The following SHC2 variants were observed in gnomAD, a reference collection of about 807,000 sequenced individuals.
SHC2 encodes SHC adaptor protein 2, also known as SHC-transforming protein 2.
In SHC2, 62 loss-of-function variants were observed where a neutral mutation model predicts 60.6. The ratio of observed to expected loss-of-function variants is 1.02; its 90% CI spans 0.83 to 1.26. The LOEUF is 1.26. SHC2 is among the 50% of genes most tolerant of loss of function. The pLI, the probability that SHC2 is intolerant of heterozygous loss-of-function variation, is 0.00. For synonymous variants in SHC2, 375 were observed against 372.4 expected, an observed-to-expected ratio of 1.01 and a Z score of -0.08; for missense variants, 873 against 822.2, an observed-to-expected ratio of 1.06 and a Z score of -0.76.
rs201361651 is a variant in SHC2, at chr19:440,814, C to T, written c.539+48G>A. 4.7e-5 allele frequency: 72 copies of T among 1,522,708 alleles called. No individual in the cohort carries two copies. Among genetic ancestry groups the T allele is most frequent in the Non-Finnish European group, 6.1e-5 (67 of 1,098,498 alleles). 94.3% of individuals were successfully genotyped at this position (1,522,708 alleles called of 1,614,324 possible). Reference sequence around the variant, plus strand: ...GCCGCCCTCCAGTGCTGCCGCCCTCCAGTGCGTCACTCAGCCCTACGCGGC... The same window carrying T: ...GCCGCCCTCCAGTGCTGCCGCCCTCTAGTGCGTCACTCAGCCCTACGCGGC... On this transcript the variant is annotated intron_variant, in intron 2 of 12. Coordinates refer to ENST00000264554, the MANE Select transcript of SHC2 (RefSeq NM_012435.3). This position sits in a 1 kb window ranked among gnomAD's most constrained non-coding sequence, Gnocchi z 7.0.
chr19:440,816 G>A lies in SHC2; in HGVS notation c.539+46C>T. 1 of 1,540,448 alleles carries A rather than the reference G, an allele frequency of 6.5e-7. No homozygotes were observed. The highest frequency in any genetic ancestry group is 9.0e-7 in the Non-Finnish European group (1 of 1,115,382). ...CGCCCTCCAGTGCTGCCGCCCTCCA[G>A]TGCGTCACTCAGCCCTACGCGGCCA... On this transcript the variant is annotated intron_variant, in intron 2 of 12. Coordinates refer to ENST00000264554, the MANE Select transcript of SHC2 (RefSeq NM_012435.3). The surrounding 1 kb of genome is among the most constrained non-coding windows in gnomAD (Gnocchi z 7.0).
chr19:428,728 T>G (rs1269974210), intron 9 of SHC2, among the ~76,000 whole-genome samples: 1 of 152,186 alleles, frequency 6.6e-6, no homozygotes, highest in Non-Finnish European at 1.5e-5. Context: ...CATGATGTTT[T>G]GAACCATGTG....
At position 422,173 on chromosome 19, in the gene SHC2, G is replaced by A. The variant is rs754155050; in HGVS notation, c.1593C>T (p.His531=). The A allele has an allele frequency of 1.9e-6, 3 of 1,611,854 alleles. No individual in the cohort carries two copies. The highest frequency in any genetic ancestry group is 2.2e-5 in the East Asian group (1 of 44,830). Reference sequence around the variant, plus strand: ...CGCCCTCGGGGTCCACGAGCAGCAGGTGCTTGGGCTGCCCGGCGTGCATGC... The same window carrying A: ...CGCCCTCGGGGTCCACGAGCAGCAGATGCTTGGGCTGCCCGGCGTGCATGC... The part of the protein sequence containing the change: ...LTGMHAGQPK[H]LLLVDPEGVV... Residue 531 remains histidine, a synonymous_variant, in exon 11 of 13, where the codon CAC becomes CAT. Transcript: ENST00000264554. This position sits in a 1 kb window ranked among gnomAD's most constrained non-coding sequence, Gnocchi z 5.0.
At chr19:444,343 C>T (rs768730567) in intron 1 of SHC2, among the ~76,000 whole-genome samples, 12 of 152,218 alleles carry the variant, frequency 7.9e-5, no homozygotes, top group Non-Finnish European at 1.6e-4. Context: ...TTCTCTCAGG[C>T]AGAGCATGTG....
At chr19:458,907 G>A (rs1975464546) in intron 1 of SHC2, among the ~76,000 whole-genome samples, 1 of 152,042 alleles carries the variant, frequency 6.6e-6, no homozygotes, top group East Asian at 1.9e-4. Context: ...AGCGCGCCTG[G>A]GGACCACACG....
rs13867 is a variant in SHC2, at chr19:417,014, A to C, written c.*314T>G. Reference sequence around the variant, plus strand: ...ACCAGCCAGGCGAGAGGGGGACCCAAGGGCCAGGGCTCCGAGGCAGCGGCT... The same window carrying C: ...ACCAGCCAGGCGAGAGGGGGACCCACGGGCCAGGGCTCCGAGGCAGCGGCT... On this transcript the variant is annotated 3_prime_UTR_variant, in exon 13 of 13. Transcript: ENST00000264554. The C allele has an allele frequency of 0.84, 128,538 of 152,806 alleles. 54,156 individuals carry two copies. Among genetic ancestry groups the C allele is most frequent in the East Asian group, 1 (5,153 of 5,168 alleles). The allele number at this position is 152,806 out of a possible 1,614,324, so 9.5% of individuals were successfully genotyped here.
At position 460,825 on chromosome 19, in the gene SHC2, C is replaced by T. The variant is rs1484479548; in HGVS notation, c.172G>A (p.Gly58Arg). 12 of 981,842 alleles carry T rather than the reference C, an allele frequency of 1.2e-5. No homozygotes were observed. The highest frequency in any genetic ancestry group is 1.4e-5 in the Non-Finnish European group (12 of 829,294). The allele number at this position is 981,842 out of a possible 1,614,324, so 60.8% of individuals were successfully genotyped here. A position where few individuals can be genotyped will look rare whatever the true frequency, so the allele number is the denominator to read the frequency against. Residue 58 changes from glycine to arginine, a missense_variant, in exon 1 of 13, where the codon GGG (glycine) becomes AGG (arginine). Physicochemically the swap from Gly to Arg is moderately radical, Grantham distance 125. Transcript: ENST00000264554. The stretch of plus-strand genomic sequence containing the variant: ...GGCTCGGGTTGGGGGTCCGCGCCCC[C>T]CGAGGCCCCAGCCGCCCGCGCCGCC... ...PAAARAAGAS[G>R]GADPQPEPAG...
At chr19:439,055 G>A (rs112380345) in intron 2 of SHC2, 25 bp from the exon 3 acceptor site, 576,541 of 1,530,794 alleles carry the variant, frequency 0.38, 117,539 homozygotes, top group Non-Finnish European at 0.43. Context: ...AGGGGGCTTA[G>A]AGAGTGTGGT....
intron 8 of SHC2, among the ~76,000 whole-genome samples, chr19:434,498 T>G (rs2145715923): frequency 3.2e-4 from 1 of 3,124 alleles, no homozygotes; most frequent in East Asian, 9.4e-3. Context: ...GTGAGTGAAA[T>G]CATGAGTGAG....
At chr19:449,822 G>A (rs75888469) in intron 1 of SHC2, among the ~76,000 whole-genome samples, 2,652 of 152,208 alleles carry the variant, frequency 0.017, 87 homozygotes, top group African/African-American at 0.06. Flanking sequence ...GTTAATAATC[G>A]GCCAGTCTAG....
In SHC2 at chr19:445,950, G is replaced by A. The variant is rs567787218; in HGVS notation, c.469-5018C>T. ...CATGCCTGTAATCCCAGCTACTTGGGAGGCTGAGGCAGGAGAATCATTTGA... is the reference window on the plus strand; with the variant it reads ...CATGCCTGTAATCCCAGCTACTTGGAAGGCTGAGGCAGGAGAATCATTTGA... On this transcript the variant is annotated intron_variant, in intron 1 of 12. Transcript: ENST00000264554. The surrounding 1 kb of genome is among the most constrained non-coding windows in gnomAD (Gnocchi z 4.4). 7.9e-5 allele frequency among the ~76,000 whole-genome samples: 12 copies of A among 152,196 alleles called. No homozygotes were observed. Among genetic ancestry groups the A allele is most frequent in the Admixed American group, 7.8e-4 (12 of 15,298 alleles).
chr19:428,272 G>A (rs1013133242), intron 9 of SHC2, among the ~76,000 whole-genome samples: 29 of 152,144 alleles, frequency 1.9e-4, no homozygotes, highest in African/African-American at 6.8e-4. Flanking sequence ...TCGGTTGAGC[G>A]GGCAATTACT....
At position 438,880 on chromosome 19, in the gene SHC2, G is replaced by T; in HGVS notation, c.601-43C>A. The stretch of plus-strand genomic sequence containing the variant: ...CACAGCGAGGGCGGCTGTGGGTGGG[G>T]GCTGTCGAGGGGCTCCCAGGATGGC... On this transcript the variant is annotated intron_variant, in intron 3 of 12. Coordinates refer to ENST00000264554, the MANE Select transcript of SHC2 (RefSeq NM_012435.3). This position sits in a 1 kb window ranked among gnomAD's most constrained non-coding sequence, Gnocchi z 5.0. 6.4e-7 allele frequency: 1 copy of T among 1,552,510 alleles called. No homozygotes were observed.
intron 1 of SHC2, among the ~76,000 whole-genome samples, chr19:444,679 G>A (rs1261653239): frequency 1.3e-5 from 2 of 152,202 alleles, no homozygotes; most frequent in Non-Finnish European, 2.9e-5. Flanking sequence ...ATGCAGTAAC[G>A]ATACCGACAC....
chr19:420,302 G>A (rs1202932161), intron 11 of SHC2, among the ~76,000 whole-genome samples: 1 of 152,262 alleles, frequency 6.6e-6, no homozygotes, highest in South Asian at 2.1e-4. Flanking sequence ...GTCCCAGGCC[G>A]GGGTGCACAA....
At chr19:442,969 G>GGACA in intron 1 of SHC2, among the ~76,000 whole-genome samples, 1 of 144,418 alleles carries the variant, frequency 6.9e-6, no homozygotes, top group Non-Finnish European at 1.5e-5. Context: ...ACGGGTGGGT[G>GGACA]GATGGGTGGA....
intron 1 of SHC2, 22 bp downstream of exon 1, chr19:460,507 G>A (rs74684491): frequency 0.013 from 13,630 of 1,065,708 alleles, 154 homozygotes; most frequent in East Asian, 0.038. Flanking sequence ...ACGGGCTCCC[G>A]GGGGGGGTGG....
chr19:449,832 G>A (rs139049641), intron 1 of SHC2, among the ~76,000 whole-genome samples: 1 of 152,296 alleles, frequency 6.6e-6, no homozygotes, highest in East Asian at 1.9e-4. Context: ...GGCCAGTCTA[G>A]GTGAATGACA....
At chr19:442,837 G>C (rs1974925971) in intron 1 of SHC2, among the ~76,000 whole-genome samples, 2 of 144,960 alleles carry the variant, frequency 1.4e-5, no homozygotes, top group Non-Finnish European at 3.0e-5. Flanking sequence ...GTGGGTGGAT[G>C]GGTGGACGGG....
Sources: gnomAD v4.1 joint callset for allele counts (sites outside exome capture counted in the v4.1 genomes callset) on GRCh38, gnomAD v4.1.1 for gene constraint, Gnocchi (gnomAD v3.1) non-coding constraint, MANE v1.5 for transcripts, NCBI Gene and HGNC (gene_info 2026-07-23, HGNC 2026-07-21) for gene names.